DLEU7: variants seen among roughly 807,000 people sequenced by gnomAD.
DLEU7 encodes the protein leukemia-associated protein 7.
DLEU7 carries 17 observed loss-of-function variants against 16.0 expected under a neutral mutation model. The ratio of observed to expected loss-of-function variants is 1.06; its 90% CI spans 0.73 to 1.59. The LOEUF (loss-of-function observed/expected upper bound fraction) is 1.59, where lower values mean the gene tolerates loss of function less well. DLEU7 is among the 40% of genes most tolerant of loss of function. The pLI is 0.00. For synonymous variants in DLEU7, 113 were observed against 139.8 expected, an observed-to-expected ratio of 0.81 and a Z score of 1.35; for missense variants, 308 against 314.9, an observed-to-expected ratio of 0.98 and a Z score of 0.17.
intron 1 of DLEU7, among the ~76,000 whole-genome samples, chr13:50,814,678 TACACACAC>T (rs59737244): frequency 0.5 from 70,408 of 140,214 alleles, 17,700 homozygotes; most frequent in Non-Finnish European, 0.57. Flanking sequence ...TACATAGAAC[TACACACAC>T]ACACACACAC....
In DLEU7 at chr13:50,832,419, T is replaced by G. The variant is rs144424614; in HGVS notation, c.460-8899A>C. 3.9e-3 allele frequency among the ~76,000 whole-genome samples: 600 copies of G among 152,318 alleles called. 4 individuals are homozygous for G. Among genetic ancestry groups the G allele is most frequent in the African/African-American group, 0.012 (500 of 41,586 alleles). On this transcript the variant is annotated intron_variant, in intron 1 of 1. Coordinates refer to ENST00000504404, the MANE Select transcript of DLEU7 (RefSeq NM_001306135.2). ...GCTAGCAGTCTATTTTGTTAATCTT[T>G]TCAAAAAACCAGCTCCTGGATTCAT...
At chr13:50,805,304 T>A (rs1169390988) in intron 1 of DLEU7, among the ~76,000 whole-genome samples, 1 of 152,188 alleles carries the variant, frequency 6.6e-6, no homozygotes, top group Non-Finnish European at 1.5e-5. Flanking sequence ...TCTCTCAGCA[T>A]CTAGAAACAT....
chr13:50,739,629 C>A (rs929198444), intron 1 of DLEU7, among the ~76,000 whole-genome samples: 2 of 152,104 alleles, frequency 1.3e-5, no homozygotes, highest in African/African-American at 4.8e-5. Context: ...ATATGAACTA[C>A]CTTTTGTAAA....
At chr13:50,734,169 A>G (rs1593533191) in intron 1 of DLEU7, among the ~76,000 whole-genome samples, 1 of 152,230 alleles carries the variant, frequency 6.6e-6, no homozygotes, top group Non-Finnish European at 1.5e-5. Flanking sequence ...TACTCCTGCC[A>G]GAAACAAATC....
chr13:50,761,587 C>T (rs1566242157), intron 1 of DLEU7, among the ~76,000 whole-genome samples: 2 of 152,132 alleles, frequency 1.3e-5, no homozygotes, highest in African/African-American at 2.4e-5. Flanking sequence ...CCAATGCCTG[C>T]ACCAACCAGG....
intron 1 of DLEU7, among the ~76,000 whole-genome samples, chr13:50,766,817 C>T (rs566075891): frequency 5.3e-5 from 8 of 152,036 alleles, no homozygotes; most frequent in Non-Finnish European, 8.8e-5. Context: ...ACGCCCCACC[C>T]CTGCCAGTGA....
chr13:50,751,127 G>A (rs2077158688), intron 1 of DLEU7, among the ~76,000 whole-genome samples: 1 of 152,290 alleles, frequency 6.6e-6, no homozygotes, highest in Non-Finnish European at 1.5e-5. Context: ...TTTGCTGAGA[G>A]CTTTAATCAC....
intron 1 of DLEU7, among the ~76,000 whole-genome samples, chr13:50,771,982 C>A (rs565220885): frequency 3.9e-5 from 6 of 152,082 alleles, no homozygotes; most frequent in African/African-American, 1.4e-4. Context: ...GGATAGTTAG[C>A]GCTTCTTGTT....
intron 1 of DLEU7, among the ~76,000 whole-genome samples, chr13:50,785,209 G>A: frequency 6.6e-6 from 1 of 152,186 alleles, no homozygotes; most frequent in East Asian, 1.9e-4. Flanking sequence ...CTGGGGTTGG[G>A]ACAAGTGAGA....
chr13:50,764,529 A>G (rs1461338854), intron 1 of DLEU7, among the ~76,000 whole-genome samples: 2 of 152,234 alleles, frequency 1.3e-5, no homozygotes, highest in African/African-American at 4.8e-5. Context: ...AGAATAATGG[A>G]ATTAAATAAG....
chr13:50,734,647 G>GA (rs1236301657), intron 1 of DLEU7, among the ~76,000 whole-genome samples: 2 of 151,930 alleles, frequency 1.3e-5, no homozygotes, highest in Non-Finnish European at 2.9e-5. Context: ...AGAACAGAGA[G>GA]AAAAAAGATA....
chr13:50,791,779 C>A (rs111663374), intron 1 of DLEU7, among the ~76,000 whole-genome samples: 86 of 152,106 alleles, frequency 5.7e-4, no homozygotes, highest in Non-Finnish European at 1.1e-3. Context: ...CTGACAAAAA[C>A]CAAAAAAAAT....
intron 1 of DLEU7, among the ~76,000 whole-genome samples, chr13:50,800,557 TTG>T: frequency 6.6e-6 from 1 of 152,212 alleles, no homozygotes; most frequent in African/African-American, 2.4e-5. Context: ...AGGCTGCCCT[TTG>T]AGGAAGAACA....
intron 1 of DLEU7, among the ~76,000 whole-genome samples, chr13:50,759,917 C>T (rs1433875237): frequency 1.3e-5 from 2 of 152,178 alleles, no homozygotes; most frequent in Admixed American, 1.3e-4. Flanking sequence ...CACCTTCCAT[C>T]CTTTGGACCC....
intron 1 of DLEU7, among the ~76,000 whole-genome samples, chr13:50,799,714 T>C (rs1372046691): frequency 6.6e-6 from 1 of 151,204 alleles, no homozygotes; most frequent in Non-Finnish European, 1.5e-5. Context: ...CTCTTCACTA[T>C]TATGGAAGGG....
chr13:50,833,963 G>A (rs763846987), intron 1 of DLEU7, among the ~76,000 whole-genome samples: 6 of 152,142 alleles, frequency 3.9e-5, no homozygotes, highest in Non-Finnish European at 8.8e-5. Context: ...TTAAAAAATA[G>A]TGTTGGGAAA....
Position 50,787,083 on chromosome 13 carries a change from A to G in DLEU7, c.459+56105T>C, listed in dbSNP as rs9591362. ...TGAAAGAACATGTCTCTCACCTTTT[A>G]GCCTTCGTTTCAAGTTTTGGATAAT... On this transcript the variant is annotated intron_variant, in intron 1 of 1. Coordinates refer to the DLEU7 transcript ENST00000400393. 8.2e-3 allele frequency among the ~76,000 whole-genome samples: 1,256 copies of G among 152,268 alleles called. 16 individuals are homozygous for G. The highest frequency in any genetic ancestry group is 0.029 in the African/African-American group (1,198 of 41,558).
chr13:50,724,132 G>A (rs1873699967), intron 1 of DLEU7, among the ~76,000 whole-genome samples: 1 of 152,034 alleles, frequency 6.6e-6, no homozygotes, highest in South Asian at 2.1e-4. Context: ...AGTTGGAATG[G>A]CACATAGCCC....
intron 1 of DLEU7, among the ~76,000 whole-genome samples, chr13:50,745,330 A>T (rs146020816): frequency 1.9e-4 from 29 of 152,316 alleles, no homozygotes; most frequent in African/African-American, 6.7e-4. Flanking sequence ...ATACTGTTTC[A>T]TTCTACTTAT....
Sources: gnomAD v4.1 joint callset for allele counts (sites outside exome capture counted in the v4.1 genomes callset) on GRCh38, gnomAD v4.1.1 for gene constraint, MANE v1.5 for transcripts, NCBI Gene and HGNC (gene_info 2026-07-23, HGNC 2026-07-21) for gene names.